Variants in INTS9 observed in about 807,000 individuals in gnomAD.
INTS9 encodes protein related to CPSF subunits of 74 kDa.
A neutral mutation model predicts 79.7 loss-of-function variants in INTS9; 55 were observed. The observed-to-expected ratio is 0.69, with a 90% CI of 0.56 to 0.86. The LOEUF is 0.86. Ranked by LOEUF, INTS9 falls within the 40% of genes least tolerant of loss-of-function variation. The pLI is 0.00. For synonymous variants in INTS9, 319 were observed against 325.2 expected, an observed-to-expected ratio of 0.98 and a Z score of 0.20; for missense variants, 721 against 831.5, an observed-to-expected ratio of 0.87 and a Z score of 1.64.
chr8:28,790,454 A>G (rs1401406494), intron 10 of INTS9, among the ~76,000 whole-genome samples: 1 of 152,164 alleles, frequency 6.6e-6, no homozygotes, highest in Non-Finnish European at 1.5e-5. Context: ...CAGCCTCCCG[A>G]GTAGCTGGAA....
chr8:28,849,213 A>C (rs756604133), intron 3 of INTS9, among the ~76,000 whole-genome samples: 17 of 152,330 alleles, frequency 1.1e-4, no homozygotes, highest in Non-Finnish European at 2.2e-4. Flanking sequence ...GGGACTAAGA[A>C]TTGGCCTGAG....
At chr8:28,773,264 C>T (rs962478236) in intron 14 of INTS9, among the ~76,000 whole-genome samples, 26 of 152,182 alleles carry the variant, frequency 1.7e-4, no homozygotes, top group African/African-American at 5.1e-4. Flanking sequence ...GAGATTGAGA[C>T]CATCCTGGCT....
chr8:28,867,590 C>T (rs1208192425), intron 1 of INTS9, among the ~76,000 whole-genome samples: 2 of 146,750 alleles, frequency 1.4e-5, no homozygotes, highest in Non-Finnish European at 3.0e-5. Flanking sequence ...TACTTAATCT[C>T]ACAAAAATCT....
chr8:28,833,534 C>T (rs1806622110), intron 6 of INTS9, among the ~76,000 whole-genome samples: 1 of 151,746 alleles, frequency 6.6e-6, no homozygotes, highest in African/African-American at 2.4e-5. Flanking sequence ...GCACGAGAAT[C>T]GCTTGAACCC....
At chr8:28,869,107 T>C (rs1489856799) in intron 1 of INTS9, among the ~76,000 whole-genome samples, 2 of 151,876 alleles carry the variant, frequency 1.3e-5, no homozygotes, top group East Asian at 1.9e-4. Context: ...AAAAAAAAAA[T>C]TGACTTTCTG....
chr8:28,788,899 A>C (rs1803767700), intron 10 of INTS9, among the ~76,000 whole-genome samples: 1 of 152,240 alleles, frequency 6.6e-6, no homozygotes, highest in Non-Finnish European at 1.5e-5. Context: ...CAGTTGATAA[A>C]TCAATATATG....
chr8:28,881,415 C>T (rs1809788162), intron 1 of INTS9, among the ~76,000 whole-genome samples: 2 of 146,930 alleles, frequency 1.4e-5, no homozygotes, highest in African/African-American at 2.5e-5. Context: ...GCCGCCCCGC[C>T]CGGGAGGGAG....
chr8:28,853,009 G>A (rs1807931377), intron 2 of INTS9, among the ~76,000 whole-genome samples: 1 of 152,196 alleles, frequency 6.6e-6, no homozygotes, highest in African/African-American at 2.4e-5. Context: ...AAACCATAAA[G>A]AGTAAATTTT....
chr8:28,882,400 C>G (rs2131385660), intron 1 of INTS9, among the ~76,000 whole-genome samples: 1 of 143,054 alleles, frequency 7.0e-6, no homozygotes, highest in East Asian at 2.0e-4. Context: ...CTTCCCTCCA[C>G]TATTGTCCTA....
chr8:28,860,284 CA>C (rs1372456483), intron 1 of INTS9, among the ~76,000 whole-genome samples: 9 of 152,178 alleles, frequency 5.9e-5, no homozygotes, highest in Admixed American at 5.9e-4. Flanking sequence ...AATGTTGTGG[CA>C]GTGACAGATC....
intron 1 of INTS9, among the ~76,000 whole-genome samples, chr8:28,877,613 A>G (rs1183160642): frequency 6.6e-6 from 1 of 152,204 alleles, no homozygotes; most frequent in Admixed American, 6.5e-5. Flanking sequence ...GTAAAATGTG[A>G]GTTGTAATTG....
chr8:28,843,814 C>A (rs879273535), intron 4 of INTS9, among the ~76,000 whole-genome samples: 1 of 151,370 alleles, frequency 6.6e-6, no homozygotes, highest in Non-Finnish European at 1.5e-5. Flanking sequence ...CGGGCAATAT[C>A]AGCTGCAGGT....
chr8:28,780,810 T>A lies in INTS9; in HGVS notation c.1270+13A>T. The A allele has an allele frequency of 1.2e-6, 2 of 1,612,470 alleles. No homozygotes were observed. Among genetic ancestry groups the A allele is most frequent in the Non-Finnish European group, 1.7e-6 (2 of 1,178,620 alleles). The stretch of plus-strand genomic sequence containing the variant: ...GGAGAGAACCAATTTGTTTCTTTAT[T>A]TTTTTCACTTACCCGTGAATATGAC... On this transcript the variant is annotated intron_variant, in intron 12 of 16. Coordinates refer to ENST00000521022, the MANE Select transcript of INTS9 (RefSeq NM_018250.4).
intron 8 of INTS9, among the ~76,000 whole-genome samples, chr8:28,805,891 C>T (rs968950505): frequency 5.9e-5 from 9 of 151,904 alleles, no homozygotes; most frequent in Non-Finnish European, 1.2e-4. Context: ...ATAGTCATCA[C>T]AAGAAACACA....
At chr8:28,781,132 C>G in intron 11 of INTS9, 138 bp from the exon 12 acceptor site, 1 of 647,458 alleles carries the variant, frequency 1.5e-6, no homozygotes, top group Non-Finnish European at 2.6e-6. Context: ...AAAATACCTG[C>G]AAAAGTCACA....
intron 4 of INTS9, among the ~76,000 whole-genome samples, chr8:28,841,024 G>A (rs1807153339): frequency 5.9e-5 from 9 of 151,718 alleles, no homozygotes; most frequent in Admixed American, 5.9e-4. Context: ...TGCCATTCTG[G>A]CTATGGGTAT....
chr8:28,794,143 A>G (rs1804067599), intron 9 of INTS9, among the ~76,000 whole-genome samples, 156 bp from the exon 10 acceptor site: 1 of 152,200 alleles, frequency 6.6e-6, no homozygotes, highest in African/African-American at 2.4e-5. Context: ...AGAACACATC[A>G]AAGCAGGGGA....
At chr8:28,800,665 C>T (rs949414531) in intron 8 of INTS9, among the ~76,000 whole-genome samples, 8 of 152,170 alleles carry the variant, frequency 5.3e-5, no homozygotes, top group African/African-American at 1.2e-4. Context: ...ATCCACTTGA[C>T]GGATCACCTG....
At chr8:28,815,359 C>T (rs1805410518) in intron 6 of INTS9, among the ~76,000 whole-genome samples, 1 of 152,020 alleles carries the variant, frequency 6.6e-6, no homozygotes, top group African/African-American at 2.4e-5. Flanking sequence ...ACCAGCAAAG[C>T]TTATAAATGA....
Sources: gnomAD v4.1 joint callset for allele counts (sites outside exome capture counted in the v4.1 genomes callset) on GRCh38, gnomAD v4.1.1 for gene constraint, MANE v1.5 for transcripts, NCBI Gene and HGNC (gene_info 2026-07-23, HGNC 2026-07-21) for gene names.